Variants in TRIM33 observed in about 807,000 individuals in gnomAD.
The protein encoded by TRIM33 is E3 ubiquitin-protein ligase TRIM33.
Under a neutral mutation model 125.4 loss-of-function variants are expected in TRIM33, and 20 were observed. The ratio of observed to expected loss-of-function variants is 0.16; its 90% confidence interval spans 0.11 to 0.23. The LOEUF is 0.23. Among genes scored for constraint, TRIM33 ranks in the 10% least tolerant of loss-of-function variants. The pLI is 1.00. For synonymous variants in TRIM33, 564 were observed against 513.9 expected, an observed-to-expected ratio of 1.10 and a Z score of -1.32; for missense variants, 920 against 1,411.4, an observed-to-expected ratio of 0.65 and a Z score of 5.58.
intron 1 of TRIM33, among the ~76,000 whole-genome samples, chr1:114,470,359 A>C (rs1011369526): frequency 3.3e-5 from 5 of 152,128 alleles, no homozygotes; most frequent in African/African-American, 1.2e-4. Context: ...CTTATAAATT[A>C]TTATTTATCT....
chr1:114,429,792 TCAACTTTC>T (rs1281801011), intron 6 of TRIM33, among the ~76,000 whole-genome samples: 1 of 152,142 alleles, frequency 6.6e-6, no homozygotes, highest in African/African-American at 2.4e-5. Flanking sequence ...TTCCAAAATT[TCAACTTTC>T]CAGAGCATGA....
Position 114,399,490 on chromosome 1 carries a change from A to G in TRIM33, c.3087T>C (p.Arg1029=), listed in dbSNP as rs1338625916. 6.2e-7 allele frequency: 1 copy of G among 1,613,712 alleles called. No individual in the cohort carries two copies. Among genetic ancestry groups the G allele is most frequent in the Non-Finnish European group, 8.5e-7 (1 of 1,179,834 alleles). The stretch of plus-strand genomic sequence containing the variant: ...ACCTTTCACAGTTCTTGAAGATCAA[A>G]CGGACATCGGCCACAAAGTCATCCG... ...QIPDDFVADV[R]LIFKNCERFN... is the part of the protein sequence containing the mutation. Residue 1029 remains arginine (R), a synonymous_variant, in exon 18 of 20, where the codon CGT becomes CGC. Transcript: ENST00000358465.
chr1:114,405,995 A>G (rs1282482149), intron 14 of TRIM33, among the ~76,000 whole-genome samples: 1 of 152,202 alleles, frequency 6.6e-6, no homozygotes, highest in Non-Finnish European at 1.5e-5. Context: ...TAATAAGTAA[A>G]TTAATTAAAC....
chr1:114,420,325 C>T, intron 11 of TRIM33: 2 of 1,065,108 alleles, frequency 1.9e-6, no homozygotes, highest in Non-Finnish European at 2.6e-6. Context: ...CCATCCTTTT[C>T]TCAGCCCAAC....
intron 13 of TRIM33, among the ~76,000 whole-genome samples, chr1:114,408,379 AGTT>A (rs1361881559): frequency 1.3e-5 from 2 of 152,156 alleles, no homozygotes; most frequent in Non-Finnish European, 2.9e-5. Flanking sequence ...TTAAAGAATG[AGTT>A]GTTAAATTTT....
At chr1:114,505,787 C>T (rs1263465233) in intron 1 of TRIM33, among the ~76,000 whole-genome samples, 2 of 152,040 alleles carry the variant, frequency 1.3e-5, no homozygotes, top group Non-Finnish European at 2.9e-5. Context: ...AGGCTGATCT[C>T]GAACTCCTGA....
intron 11 of TRIM33, among the ~76,000 whole-genome samples, chr1:114,414,989 ATTTTTTTTTT>A (rs56960865): frequency 9.6e-6 from 1 of 104,702 alleles, no homozygotes; most frequent in African/African-American, 3.8e-5. Flanking sequence ...GGTAGATTCT[ATTTTTTTTTT>A]TTTTTTTTTT....
chr1:114,461,843 C>T (rs1448510230), intron 4 of TRIM33, among the ~76,000 whole-genome samples: 1 of 152,000 alleles, frequency 6.6e-6, no homozygotes, highest in Non-Finnish European at 1.5e-5. Flanking sequence ...AAAATTTCAG[C>T]CAAGTTATAG....
chr1:114,494,623 C>A (rs1570666587), intron 1 of TRIM33, among the ~76,000 whole-genome samples: 1 of 151,934 alleles, frequency 6.6e-6, no homozygotes, highest in African/African-American at 2.4e-5. Context: ...GTAGACAAAC[C>A]ACAGGGGAAA....
intron 1 of TRIM33, among the ~76,000 whole-genome samples, chr1:114,466,797 TAGTC>T (rs1440612984): frequency 1.3e-5 from 2 of 152,238 alleles, no homozygotes; most frequent in South Asian, 2.1e-4. Flanking sequence ...TTCTCCATGT[TAGTC>T]AGGCTGGCGT....
At chr1:114,491,145 ATG>A (rs1028818121) in intron 1 of TRIM33, among the ~76,000 whole-genome samples, 11 of 152,224 alleles carry the variant, frequency 7.2e-5, no homozygotes, top group African/African-American at 2.7e-4. Context: ...TACACTTCAA[ATG>A]TGTGATTAAC....
intron 6 of TRIM33, among the ~76,000 whole-genome samples, chr1:114,430,497 C>A (rs1351774531): frequency 3.9e-5 from 6 of 152,150 alleles, no homozygotes; most frequent in Non-Finnish European, 2.9e-5. Flanking sequence ...CTGCCTTGGG[C>A]TCCCAAAGTG....
chr1:114,408,767 A>G, intron 12 of TRIM33, 27 bp from the exon 13 acceptor site: 1 of 1,425,526 alleles, frequency 7.0e-7, no homozygotes, highest in Non-Finnish European at 9.8e-7. Flanking sequence ...CAAAATGAAT[A>G]TCAATGCATA....
At chr1:114,423,588 C>T (rs1461299863) in intron 10 of TRIM33, among the ~76,000 whole-genome samples, 6 of 150,294 alleles carry the variant, frequency 4.0e-5, no homozygotes, top group Admixed American at 2.0e-4. Flanking sequence ...TAAATAGAAA[C>T]GGGGTCTTGC....
At chr1:114,446,637 C>G (rs1298000813) in intron 4 of TRIM33, among the ~76,000 whole-genome samples, 1 of 151,826 alleles carries the variant, frequency 6.6e-6, no homozygotes, top group Non-Finnish European at 1.5e-5. Context: ...TAAAATAATG[C>G]AGCAAAGAGA....
intron 4 of TRIM33, among the ~76,000 whole-genome samples, chr1:114,457,497 G>A (rs916358880): frequency 2.6e-5 from 4 of 152,168 alleles, no homozygotes; most frequent in Admixed American, 6.5e-5. Flanking sequence ...TAATATCTTA[G>A]GTGATGTCGG....
intron 1 of TRIM33, among the ~76,000 whole-genome samples, chr1:114,492,639 TGC>T (rs1557899935): frequency 6.6e-6 from 1 of 152,234 alleles, no homozygotes; most frequent in Non-Finnish European, 1.5e-5. Flanking sequence ...TCTATGAATG[TGC>T]CTATTCTGGA....
chr1:114,455,107 C>T (rs1438731550), intron 4 of TRIM33, among the ~76,000 whole-genome samples: 5 of 152,080 alleles, frequency 3.3e-5, no homozygotes, highest in Non-Finnish European at 5.9e-5. Context: ...AGACCCACAG[C>T]TCACTACTGT....
chr1:114,436,270 T>C (rs1648289114), intron 4 of TRIM33, among the ~76,000 whole-genome samples: 1 of 151,134 alleles, frequency 6.6e-6, no homozygotes, highest in South Asian at 2.1e-4. Flanking sequence ...GGCATGGTGG[T>C]GTGCACCTGT....
Sources: gnomAD v4.1 joint callset for allele counts (sites outside exome capture counted in the v4.1 genomes callset) on GRCh38, gnomAD v4.1.1 for gene constraint, MANE v1.5 for transcripts, NCBI Gene and HGNC (gene_info 2026-07-23, HGNC 2026-07-21) for gene names.